Variants in ALAS1 observed in about 807,000 individuals in gnomAD.
The protein encoded by ALAS1 is 5-aminolevulinate synthase, non-specific, mitochondrial.
Under a neutral mutation model 59.6 loss-of-function variants are expected in ALAS1, and 29 were observed. The ratio of observed to expected loss-of-function variants is 0.49; its 90% CI spans 0.36 to 0.66. The LOEUF is 0.66. ALAS1 is among the 30% of genes least tolerant of loss of function. The probability of loss-of-function intolerance (pLI) is 0.00; values close to 1 mark genes in which losing one functional copy is unlikely to be tolerated. For missense variants in ALAS1, 690 were observed against 807.5 expected, an observed-to-expected ratio of 0.85 and a Z score of 1.76; for synonymous variants, 299 against 296.6, an observed-to-expected ratio of 1.01 and a Z score of -0.08.
At position 52,206,818 on chromosome 3, in the gene ALAS1, T is replaced by C. The variant is rs1699300393; in HGVS notation, c.1165+67T>C. 2.0e-6 allele frequency: 3 copies of C among 1,522,980 alleles called. No homozygotes were observed. The African/African-American group carries it at 4.2e-5, about 21-fold the overall frequency. The allele number at this position is 1,522,980 out of a possible 1,614,324, so 94.3% of individuals were successfully genotyped here. On this transcript the variant is annotated intron_variant, in intron 8 of 11. Transcript: ENST00000484952. ...ACTATGCCTGAACTCTTTAAAAGTA[T>C]GGTGTTTTGTTGTGTTTTTTAATTT... is the stretch of plus-strand genomic sequence containing the variant.
chr3:52,211,345 C>G lies in ALAS1; in HGVS notation c.1393C>G (p.Arg465Gly). The change falls in exon 10 of 12, where the codon CGG becomes GGG. Residue 465 changes from arginine to glycine, a missense_variant. Transcript: ENST00000484952. ...CACGAGTTCTCTGATTGACACCGTACGGTCCTATGCTGCTGGCTTCATCTT... is the reference window on the plus strand; with the variant it reads ...CACGAGTTCTCTGATTGACACCGTAGGGTCCTATGCTGCTGGCTTCATCTT... ...ASTSSLIDTV[R>G]SYAAGFIFTT... 6.2e-7 allele frequency: 1 copy of G among 1,614,194 alleles called. No homozygotes were observed. The highest frequency in any genetic ancestry group is 8.5e-7 in the Non-Finnish European group (1 of 1,180,038).
At position 52,198,833 on chromosome 3, in the gene ALAS1, T is replaced by G. The variant is rs1275738470; in HGVS notation, c.-48T>G. The G allele has an allele frequency of 1.3e-6, 2 of 1,535,656 alleles. No homozygotes were observed. The highest frequency in any genetic ancestry group is 4.9e-5 in the East Asian group (2 of 40,904). On this transcript the variant is annotated 5_prime_UTR_variant, in exon 2 of 12. Coordinates refer to ENST00000484952, the MANE Select transcript of ALAS1 (RefSeq NM_000688.6). ...TCCCTGCCTGGATGGATGAGTGGCTTCTTCTCCACCTAGATGTAAGCCAAG... is the reference window on the plus strand; with the variant it reads ...TCCCTGCCTGGATGGATGAGTGGCTGCTTCTCCACCTAGATGTAAGCCAAG...
intron 9 of ALAS1, 27 bp downstream of exon 9, chr3:52,208,274 T>C (rs1559875222): frequency 6.2e-7 from 1 of 1,610,626 alleles, no homozygotes; most frequent in East Asian, 2.2e-5. Flanking sequence ...TTACATACAC[T>C]AAAATTCCAT....
intron 5 of ALAS1, 22 bp downstream of exon 5, chr3:52,204,034 C>T (rs202085897): frequency 6.3e-7 from 1 of 1,584,174 alleles, no homozygotes; most frequent in South Asian, 1.1e-5. Flanking sequence ...TGTTATTTGC[C>T]TGATGTAGAA....
rs1699123728 is a variant in ALAS1 at position 52,198,764 on chromosome 3, A to T, written c.-117A>T. The T allele has an allele frequency of 6.5e-7, 1 of 1,529,504 alleles. No individual in the cohort carries two copies. The highest frequency in any genetic ancestry group is 1.4e-5 in the African/African-American group (1 of 72,878). 94.7% of individuals were successfully genotyped at this position (1,529,504 alleles called of 1,614,324 possible). A position where few individuals can be genotyped will look rare whatever the true frequency, so the allele number is the denominator to read the frequency against. ...CCTGCTGGACCCCTTCCTCGGGTTT[A>T]GGGGATGTGGGGACCAGGAGAAAGT... On this transcript the variant is annotated 5_prime_UTR_variant, in exon 2 of 12. Coordinates refer to ENST00000484952, the MANE Select transcript of ALAS1 (RefSeq NM_000688.6).
At chr3:52,211,654 G>A in intron 10 of ALAS1, 103 bp downstream of exon 10, 1 of 1,498,520 alleles carries the variant, frequency 6.7e-7, no homozygotes. Flanking sequence ...TGAGCGGGGT[G>A]ACTGCCAGGG....
chr3:52,202,732 A>G lies in ALAS1; in HGVS notation c.425A>G (p.Lys142Arg), dbSNP rs762050719. ...EDVQEMNAVRKEVAETSAGPS... is the reference protein window; with the variant it reads ...EDVQEMNAVRREVAETSAGPS... ...GTGCAGGAAATGAATGCCGTGAGGA[A>G]AGGTAAGAGATGAGTTGTGAACCAT... Residue 142 changes from lysine (K) to arginine (R), a missense_variant and splice_region_variant, in exon 4 of 12, where the codon AAA (lysine) becomes AGA (arginine). Coordinates refer to ENST00000484952, the MANE Select transcript of ALAS1 (RefSeq NM_000688.6). 1.2e-6 allele frequency: 2 copies of G among 1,613,634 alleles called. No individual in the cohort carries two copies. Among genetic ancestry groups the G allele is most frequent in the South Asian group, 1.1e-5 (1 of 91,036 alleles).
At chr3:52,204,196 C>T (rs1699248036) in intron 5 of ALAS1, among the ~76,000 whole-genome samples, 184 bp downstream of exon 5, 1 of 152,166 alleles carries the variant, frequency 6.6e-6, no homozygotes, top group Non-Finnish European at 1.5e-5. Context: ...GCCTTGGCAA[C>T]ATAGCAAGAC....
At chr3:52,210,953 C>T (rs971931039) in intron 9 of ALAS1, among the ~76,000 whole-genome samples, 1 of 152,098 alleles carries the variant, frequency 6.6e-6, no homozygotes, top group East Asian at 1.9e-4. Flanking sequence ...TGTGGTATGG[C>T]GTGTTGCTCC....
In ALAS1 at chr3:52,214,162, G is replaced by T. The variant is rs1699468499; in HGVS notation, c.1905G>T (p.Leu635Phe). Residue 635 changes from leucine (L) to phenylalanine (F), a missense_variant, in exon 12 of 12, where the codon TTG (leucine) becomes TTT (phenylalanine). Coordinates refer to ENST00000484952, the MANE Select transcript of ALAS1 (RefSeq NM_000688.6). ...EKSYFSGLSKLVSAQA is the reference protein window; with the variant it reads ...EKSYFSGLSKFVSAQA ...CCTATTTCTCAGGCTTGAGCAAGTT[G>T]GTATCTGCTCAGGCCTGAGCATGAC... The T allele has an allele frequency of 1.2e-6, 2 of 1,611,394 alleles. No individual in the cohort carries two copies. Among genetic ancestry groups the T allele is most frequent in the Non-Finnish European group, 1.7e-6 (2 of 1,177,810 alleles).
intron 10 of ALAS1, among the ~76,000 whole-genome samples, chr3:52,211,904 T>C (rs1699418080): frequency 6.6e-6 from 1 of 152,160 alleles, no homozygotes; most frequent in Non-Finnish European, 1.5e-5. Flanking sequence ...CCACTACAAA[T>C]GGTAGCACTG....
At chr3:52,203,386 C>G (rs1307588467) in intron 4 of ALAS1, among the ~76,000 whole-genome samples, 2 of 152,128 alleles carry the variant, frequency 1.3e-5, no homozygotes, top group African/African-American at 4.8e-5. Flanking sequence ...ACCAAAAATA[C>G]AAAGATTAGC....
intron 11 of ALAS1, among the ~76,000 whole-genome samples, chr3:52,213,564 G>A (rs995113975): frequency 6.6e-6 from 1 of 152,264 alleles, no homozygotes; most frequent in African/African-American, 2.4e-5. Context: ...CCAGTGTTAT[G>A]CAACCATCAC....
intron 8 of ALAS1, 150 bp from the exon 9 acceptor site, chr3:52,207,933 A>G: frequency 1.2e-6 from 1 of 853,510 alleles, no homozygotes; most frequent in Non-Finnish European, 1.7e-6. Flanking sequence ...CTGGGACCCC[A>G]GGTAACCTAG....
At chr3:52,207,344 G>A (rs1699315913) in intron 8 of ALAS1, among the ~76,000 whole-genome samples, 1 of 151,910 alleles carries the variant, frequency 6.6e-6, no homozygotes, top group Non-Finnish European at 1.5e-5. Flanking sequence ...CACTGTGTTA[G>A]TCAGGATGGT....
In ALAS1 at chr3:52,205,921, C is replaced by CGG; in HGVS notation, c.885_886dup (p.Glu296GlyfsTer32). ...TAGTAAATTCCATGTGGACTTAGAG[C>CGG]GGGAGCTGGCAGACCTCCATGGGAA... is the stretch of plus-strand genomic sequence containing the variant. On this transcript the variant is annotated frameshift_variant, in exon 7 of 12. Transcript: ENST00000484952. LOFTEE classifies it high-confidence loss of function. The CGG allele has an allele frequency of 6.2e-7, 1 of 1,614,026 alleles. No homozygotes were observed. Among genetic ancestry groups the CGG allele is most frequent in the Non-Finnish European group, 8.5e-7 (1 of 1,179,936 alleles).
At chr3:52,201,814 T>C (rs1699191268) in intron 3 of ALAS1, among the ~76,000 whole-genome samples, 1 of 152,200 alleles carries the variant, frequency 6.6e-6, no homozygotes, top group Non-Finnish European at 1.5e-5. Flanking sequence ...TATTTCCCGT[T>C]ACCTTACAGA....
Position 52,214,099 on chromosome 3 carries a change from G to A in ALAS1, c.1842G>A (p.Arg614=). 6.2e-7 allele frequency: 1 copy of A among 1,613,896 alleles called. No individual in the cohort carries two copies. Among genetic ancestry groups the A allele is most frequent in the Middle Eastern group, 1.7e-4 (1 of 6,060 alleles). Residue 614 remains arginine, a synonymous_variant, in exon 12 of 12, where the codon AGG becomes AGA. Coordinates refer to ENST00000484952, the MANE Select transcript of ALAS1 (RefSeq NM_000688.6). ...HSSAECNFCR[R]PLHFEVMSER... ...CAGCTGAGTGCAACTTCTGCAGGAG[G>A]CCACTGCATTTTGAAGTGATGAGTG...
At chr3:52,198,154 G>A (rs1699105999), upstream of ALAS1, 1 of 398,426 alleles carries the variant, frequency 2.5e-6, no homozygotes, top group Non-Finnish European at 4.4e-6. Context: ...CGGCGATCGC[G>A]GCCTGAGGCT....
Sources: gnomAD v4.1 joint callset for allele counts (sites outside exome capture counted in the v4.1 genomes callset) on GRCh38, gnomAD v4.1.1 for gene constraint, MANE v1.5 for transcripts, NCBI Gene and HGNC (gene_info 2026-07-23, HGNC 2026-07-21) for gene names.